The following FBXO4 variants were observed in gnomAD, a reference collection of about 807,000 sequenced individuals.
FBXO4 encodes F-box protein 4, also known as F-box only protein 4.
FBXO4 carries 36 observed loss-of-function variants against 43.7 expected under a neutral mutation model. The ratio of observed to expected loss-of-function variants is 0.82; its 90% CI spans 0.63 to 1.09. The LOEUF (loss-of-function observed/expected upper bound fraction) is 1.09. Among genes scored for constraint, FBXO4 ranks in the 50% least tolerant of loss-of-function variants. The pLI, the probability that FBXO4 is intolerant of heterozygous loss-of-function variation, is 0.00. For synonymous variants in FBXO4, 180 were observed against 165.6 expected, an observed-to-expected ratio of 1.09 and a Z score of -0.67; for missense variants, 435 against 474.1, an observed-to-expected ratio of 0.92 and a Z score of 0.77.
At chr5:41,997,653 A>G in the FBXO4 span, among the ~76,000 whole-genome samples, 4 of 152,058 alleles carry the variant, frequency 2.6e-5, no homozygotes, top group African/African-American at 9.7e-5. Flanking sequence ...TGACCTCCAT[A>G]AGCACCTACT....
At chr5:41,969,261 A>G in the FBXO4 span, among the ~76,000 whole-genome samples, 554 of 152,312 alleles carry the variant, frequency 3.6e-3, 5 homozygotes, top group Middle Eastern at 0.034. Context: ...CATTTCCAGA[A>G]GAGTTCATGA....
the FBXO4 span, among the ~76,000 whole-genome samples, chr5:41,978,955 T>C: frequency 2.6e-5 from 4 of 152,236 alleles, no homozygotes; most frequent in Non-Finnish European, 4.4e-5. Flanking sequence ...GTATTGATCC[T>C]CTTAAGCAGG....
intron 3 of FBXO4, among the ~76,000 whole-genome samples, chr5:41,932,314 T>TGAAA (rs1437879925): frequency 6.6e-6 from 1 of 152,176 alleles, no homozygotes; most frequent in East Asian, 1.9e-4. Flanking sequence ...GTGCAGCTGA[T>TGAAA]GAAAACAAAG....
At chr5:41,939,834 ATTTTTTTTTTTTTTTTTTTT>A (rs60238550) in intron 6 of FBXO4, among the ~76,000 whole-genome samples, 1 of 79,306 alleles carries the variant, frequency 1.3e-5, no homozygotes, top group Non-Finnish European at 2.4e-5. Context: ...ACAATTGGGG[ATTTTTTTTTTTTTTTTTTTT>A]TTTTTTTTTT....
At chr5:41,940,040 G>A (rs952243447) in intron 6 of FBXO4, among the ~76,000 whole-genome samples, 1 of 151,018 alleles carries the variant, frequency 6.6e-6, no homozygotes, top group African/African-American at 2.4e-5. Context: ...TTGTAGAGAT[G>A]GGGTTTCTCC....
At chr5:41,940,360 C>A (rs1467335135) in intron 6 of FBXO4, among the ~76,000 whole-genome samples, 1 of 152,138 alleles carries the variant, frequency 6.6e-6, no homozygotes, top group Non-Finnish European at 1.5e-5. Flanking sequence ...CTCCTGGGTT[C>A]AAGTGATTCT....
the FBXO4 span, among the ~76,000 whole-genome samples, chr5:42,014,704 A>C: frequency 6.6e-6 from 1 of 152,180 alleles, no homozygotes; most frequent in Non-Finnish European, 1.5e-5. Context: ...TCAATTGTTT[A>C]GCTAAGAAGT....
the FBXO4 span, among the ~76,000 whole-genome samples, chr5:42,000,665 C>T: frequency 1.2e-3 from 187 of 152,176 alleles, 1 homozygote; most frequent in South Asian, 3.7e-3. Flanking sequence ...CCAAGACCAA[C>T]GACAAAAAAT....
intron 2 of FBXO4, chr5:41,928,403 CG>C (rs2112568843): frequency 6.6e-6 from 1 of 150,702 alleles, no homozygotes; most frequent in East Asian, 2.0e-4. Context: ...GGAGCGATCT[CG>C]GCTCACTGCA....
the FBXO4 span, among the ~76,000 whole-genome samples, chr5:41,992,815 T>A: frequency 6.6e-6 from 1 of 152,220 alleles, no homozygotes; most frequent in Non-Finnish European, 1.5e-5. Context: ...TGAGTTAAAA[T>A]ATTTTCAGCA....
At chr5:41,956,452 TAGTG>T in the FBXO4 span, among the ~76,000 whole-genome samples, 3 of 152,168 alleles carry the variant, frequency 2.0e-5, no homozygotes, top group African/African-American at 2.4e-5. Flanking sequence ...TAAAGAGCAT[TAGTG>T]AGTGTTTGAT....
chr5:41,993,189 A>T, the FBXO4 span, among the ~76,000 whole-genome samples: 1 of 152,188 alleles, frequency 6.6e-6, no homozygotes, highest in Non-Finnish European at 1.5e-5. Flanking sequence ...TAAGGCAATG[A>T]ACAAAATATA....
At chr5:41,934,383 C>T (rs1561170566) in intron 5 of FBXO4, 75 bp downstream of exon 5, 3 of 1,589,800 alleles carry the variant, frequency 1.9e-6, no homozygotes, top group Non-Finnish European at 2.6e-6. Context: ...TTAGACTTTA[C>T]TGTGGCTTCT....
At chr5:42,016,538 C>T in the FBXO4 span, among the ~76,000 whole-genome samples, 2,980 of 151,420 alleles carry the variant, frequency 0.02, 103 homozygotes, top group African/African-American at 0.067. Flanking sequence ...CTTGCAACCT[C>T]CTGTAAACAG....
chr5:41,962,168 G>T, the FBXO4 span, among the ~76,000 whole-genome samples: 9 of 152,314 alleles, frequency 5.9e-5, no homozygotes, highest in East Asian at 1.7e-3. Flanking sequence ...TTTGATATAT[G>T]CATATGAAAG....
chr5:41,927,317 G>A (rs1751539240), intron 2 of FBXO4, 69 bp downstream of exon 2: 5 of 1,169,414 alleles, frequency 4.3e-6, no homozygotes, highest in Non-Finnish European at 3.6e-6. Flanking sequence ...CAATATCCAA[G>A]TTAATCCTGA....
chr5:41,993,104 A>G, the FBXO4 span, among the ~76,000 whole-genome samples: 5 of 152,214 alleles, frequency 3.3e-5, no homozygotes, highest in African/African-American at 9.6e-5. Context: ...TTTCGTGACC[A>G]CAGTACCTTC....
the FBXO4 span, among the ~76,000 whole-genome samples, chr5:41,960,188 T>C: frequency 6.6e-6 from 1 of 152,164 alleles, no homozygotes; most frequent in Non-Finnish European, 1.5e-5. Context: ...GAAATACTAC[T>C]GATTTCTGTA....
chr5:41,936,520 G>A (rs1025640613), intron 5 of FBXO4, among the ~76,000 whole-genome samples: 1 of 152,072 alleles, frequency 6.6e-6, no homozygotes, highest in African/African-American at 2.4e-5. Context: ...GTGACAGAGC[G>A]AGACCCTGTC....
Sources: allele counts gnomAD v4.1 joint callset (sites outside exome capture counted in the v4.1 genomes callset), GRCh38; gene constraint gnomAD v4.1.1; transcripts MANE v1.5; gene names NCBI Gene and HGNC (gene_info 2026-07-23, HGNC 2026-07-21).